ZNF808: variants seen among roughly 807,000 people sequenced by gnomAD.
ZNF808 encodes zinc finger protein 808.
ZNF808 carries 5 observed loss-of-function variants against 8.7 expected under a neutral mutation model. The observed-to-expected ratio is 0.58, with a 90% CI of 0.30 to 1.21. The LOEUF (loss-of-function observed/expected upper bound fraction) is 1.21, where lower values mean the gene tolerates loss of function less well. ZNF808 is among the 50% of genes most tolerant of loss of function. ZNF808 has a pLI of 0.07. For missense variants in ZNF808, 1,103 were observed against 1,098.4 expected (o/e 1.00, Z -0.06); for synonymous variants, 380 against 366.0 (o/e 1.04, Z -0.44).
At chr19:52,562,630 C>T (rs1317667097) in intron 3 of ZNF808, among the ~76,000 whole-genome samples, 1 of 152,142 alleles carries the variant, frequency 6.6e-6, no homozygotes, top group Admixed American at 6.6e-5. Flanking sequence ...TATAAATTTT[C>T]CCAGTATACA....
At chr19:52,560,577 G>A (rs545570401), downstream of ZNF808, among the ~76,000 whole-genome samples, 3 of 152,146 alleles carry the variant, frequency 2.0e-5, no homozygotes, top group South Asian at 2.1e-4. Flanking sequence ...AGAAATCAGA[G>A]GCCATTTTAC....
At chr19:52,552,019 A>T (rs1363513924) in intron 4 of ZNF808, among the ~76,000 whole-genome samples, 4 of 150,726 alleles carry the variant, frequency 2.7e-5, no homozygotes, top group African/African-American at 9.7e-5. Flanking sequence ...AATGGAAACA[A>T]ATTTTTTTTT....
chr19:52,567,713 C>T (rs915553446), downstream of ZNF808, among the ~76,000 whole-genome samples: 9 of 151,566 alleles, frequency 5.9e-5, no homozygotes, highest in African/African-American at 2.2e-4. Flanking sequence ...GTAGTAGAGA[C>T]GGGGTTTCTC....
intron 2 of ZNF808, among the ~76,000 whole-genome samples, chr19:52,542,069 A>G (rs906452216): frequency 1.8e-4 from 28 of 152,260 alleles, no homozygotes; most frequent in Middle Eastern, 3.4e-3. Flanking sequence ...TGTATACGTG[A>G]AAAGAGTGAG....
In ZNF808 at chr19:52,553,141, G is replaced by T; in HGVS notation, c.225G>T (p.Leu75Phe). The T allele has an allele frequency of 6.3e-7, 1 of 1,575,960 alleles. No individual in the cohort carries two copies. The highest frequency in any genetic ancestry group is 8.6e-7 in the Non-Finnish European group (1 of 1,165,262). Residue 75 changes from leucine (L) to phenylalanine (F), a missense_variant, in exon 5 of 5, where the codon TTG becomes TTT. Transcript: ENST00000359798. ...ISSKHMMKEV[L>F]STGQGNREVI... ...CCAAACACATGATGAAGGAGGTCTT[G>T]TCAACAGGGCAAGGCAATAGAGAAG...
rs371789981 is a variant in ZNF808 at position 52,554,419 on chromosome 19, T to C, written c.1503T>C (p.His501=). The C allele has an allele frequency of 9.3e-6, 15 of 1,614,086 alleles. No homozygotes were observed. Among genetic ancestry groups the C allele is most frequent in the Admixed American group, 3.3e-5 (2 of 60,000 alleles). Residue 501 remains histidine, a synonymous_variant, in exon 5 of 5, where the codon CAT becomes CAC. Transcript: ENST00000359798. ...TFSRRSSLLC[H]RRLHSGEKPY... ...GCCGCAGGTCATCCCTTCTATGCCA[T>C]CGTAGACTTCATAGTGGTGAAAAAC...
At chr19:52,535,833 A>G (rs547018559) in intron 2 of ZNF808, among the ~76,000 whole-genome samples, 28 of 152,142 alleles carry the variant, frequency 1.8e-4, no homozygotes, top group African/African-American at 6.3e-4. Flanking sequence ...ACCGAAAAAA[A>G]CAGGCGCTGG....
downstream of ZNF808, among the ~76,000 whole-genome samples, chr19:52,559,620 C>T (rs984969396): frequency 4.6e-5 from 7 of 152,218 alleles, no homozygotes; most frequent in East Asian, 1.9e-4. Flanking sequence ...TTCCACCTGA[C>T]GAGAAATGCC....
At chr19:52,544,768 A>G (rs2059705200) in intron 3 of ZNF808, among the ~76,000 whole-genome samples, 1 of 152,046 alleles carries the variant, frequency 6.6e-6, no homozygotes, top group Non-Finnish European at 1.5e-5. Flanking sequence ...TCCAAATGGG[A>G]GACAGCCAGC....
At chr19:52,551,369 A>G (rs1050710183) in intron 4 of ZNF808, among the ~76,000 whole-genome samples, 30 of 152,106 alleles carry the variant, frequency 2.0e-4, no homozygotes, top group African/African-American at 7.2e-4. Context: ...AAAAAAAAAA[A>G]AAAGTTAGCC....
chr19:52,555,213 A>G lies in ZNF808; in HGVS notation c.2297A>G (p.Asn766Ser), dbSNP rs2059823707. Residue 766 changes from asparagine to serine, a missense_variant, in exon 5 of 5, where the codon AAC becomes AGC. By Grantham distance (46) the Asn-to-Ser change is conservative. Coordinates refer to ENST00000359798, the MANE Select transcript of ZNF808 (RefSeq NM_001039886.4). ...AGTGGTGAGAAACCTTACAAGTGTA[A>G]CGACTGTGGCAATACCTTCCGTCAC... Reference protein sequence around the residue: ...LHSGEKPYKCNDCGNTFRHWS... With the variant: ...LHSGEKPYKCSDCGNTFRHWS... 1 of 1,613,892 alleles carries G rather than the reference A, an allele frequency of 6.2e-7. No homozygotes were observed. The highest frequency in any genetic ancestry group is 2.2e-5 in the East Asian group (1 of 44,880).
At chr19:52,568,483 G>A (rs908230373), downstream of ZNF808, among the ~76,000 whole-genome samples, 2 of 151,768 alleles carry the variant, frequency 1.3e-5, no homozygotes, top group South Asian at 4.2e-4. Context: ...CCAGAGATAA[G>A]ACCTCCTGGC....
At chr19:52,543,436 C>T (rs1260746530) in intron 3 of ZNF808, 89 bp downstream of exon 3, 2 of 1,509,870 alleles carry the variant, frequency 1.3e-6, no homozygotes, top group Non-Finnish European at 1.8e-6. Context: ...TGTATTGTAG[C>T]AGCCAGTCTT....
intron 4 of ZNF808, among the ~76,000 whole-genome samples, chr19:52,548,755 T>C (rs2059747157): frequency 6.6e-6 from 1 of 152,084 alleles, no homozygotes; most frequent in East Asian, 1.9e-4. Context: ...CTGAATAATA[T>C]TCCATTGTAT....
chr19:52,567,178 CTG>C (rs1437947352), downstream of ZNF808, among the ~76,000 whole-genome samples: 1 of 152,078 alleles, frequency 6.6e-6, no homozygotes, highest in Non-Finnish European at 1.5e-5. Flanking sequence ...TCTCGAACCC[CTG>C]ATCTCAGGTG....
downstream of ZNF808, among the ~76,000 whole-genome samples, chr19:52,568,559 C>G (rs1330832320): frequency 6.6e-6 from 1 of 152,116 alleles, no homozygotes; most frequent in African/African-American, 2.4e-5. Flanking sequence ...CATCACCAGT[C>G]AAGCTGCCGC....
intron 2 of ZNF808, among the ~76,000 whole-genome samples, chr19:52,533,224 C>G (rs2059576122): frequency 1.3e-5 from 2 of 151,652 alleles, no homozygotes; most frequent in Admixed American, 6.6e-5. Flanking sequence ...CTGTTGTTTT[C>G]TTTTCTTTCC....
rs754831181 is a variant in ZNF808, at chr19:52,553,589, C to T, written c.673C>T (p.His225Tyr). Residue 225 changes from histidine (H) to tyrosine (Y), a missense_variant, in exon 5 of 5, where the codon CAC (histidine) becomes TAC (tyrosine). Coordinates refer to ENST00000359798, the MANE Select transcript of ZNF808 (RefSeq NM_001039886.4). The part of the protein sequence containing the change: ...SSLLPQKQEV[H>Y]MREKSFPCNE... ...ATTACTCCCACAAAAACAGGAAGTA[C>T]ACATGAGAGAAAAATCTTTCCCATG... 1.4e-5 allele frequency: 22 copies of T among 1,614,142 alleles called. No individual in the cohort carries two copies. In the Admixed American group the frequency reaches 2.0e-4, roughly 15 times the overall value.
At chr19:52,548,271 A>C (rs1411978192) in intron 4 of ZNF808, among the ~76,000 whole-genome samples, 1 of 152,128 alleles carries the variant, frequency 6.6e-6, no homozygotes, top group African/African-American at 2.4e-5. Flanking sequence ...TTAACAAGAA[A>C]ACCTATGTTC....
Sources: gnomAD v4.1 joint callset for allele counts (sites outside exome capture counted in the v4.1 genomes callset) on GRCh38, gnomAD v4.1.1 for gene constraint, MANE v1.5 for transcripts, NCBI Gene and HGNC (gene_info 2026-07-23, HGNC 2026-07-21) for gene names.